The following ENTPD1 variants were observed in gnomAD, a reference collection of about 807,000 sequenced individuals.
The protein encoded by ENTPD1 is ATP diphosphohydrolase.
In ENTPD1, 33 loss-of-function variants were observed where a neutral mutation model predicts 57.0. That is an observed-to-expected ratio of 0.58 (90% confidence interval 0.44 to 0.77). ENTPD1 has a LOEUF of 0.77. ENTPD1 is among the 30% of genes least tolerant of loss of function. The pLI is 0.00. For synonymous variants in ENTPD1, 202 were observed against 218.8 expected, an observed-to-expected ratio of 0.92 and a Z score of 0.68; for missense variants, 501 against 603.4, an observed-to-expected ratio of 0.83 and a Z score of 1.78.
intron 1 of ENTPD1, among the ~76,000 whole-genome samples, chr10:95,727,124 T>C (rs1340407217): frequency 6.6e-6 from 1 of 152,172 alleles, no homozygotes; most frequent in Admixed American, 6.6e-5. Flanking sequence ...TGAGATTTGT[T>C]TGGACAAAAC....
chr10:95,831,048 G>C (rs1170886341), intron 2 of ENTPD1, among the ~76,000 whole-genome samples: 2 of 152,162 alleles, frequency 1.3e-5, no homozygotes, highest in Non-Finnish European at 2.9e-5. Context: ...GTGGGGTAAG[G>C]GGAGGGGATA....
chr10:95,804,143 T>C (rs2098262444), intron 1 of ENTPD1, among the ~76,000 whole-genome samples: 1 of 152,238 alleles, frequency 6.6e-6, no homozygotes, highest in South Asian at 2.1e-4. Context: ...GCGTGATGCC[T>C]CCAGCTTTGT....
chr10:95,827,517 G>A (rs966238453), intron 2 of ENTPD1, among the ~76,000 whole-genome samples: 2 of 151,980 alleles, frequency 1.3e-5, no homozygotes, highest in East Asian at 1.9e-4. Context: ...ACGGAGTTTC[G>A]CTCTGTAGCA....
At chr10:95,710,596 A>G (rs1387011044), upstream of ENTPD1, among the ~76,000 whole-genome samples, 1 of 152,246 alleles carries the variant, frequency 6.6e-6, no homozygotes, top group East Asian at 1.9e-4. Flanking sequence ...AATACATTGT[A>G]GAGGAAAGAA....
At chr10:95,792,538 G>A (rs889455691) in intron 1 of ENTPD1, among the ~76,000 whole-genome samples, 5 of 152,104 alleles carry the variant, frequency 3.3e-5, no homozygotes, top group Non-Finnish European at 5.9e-5. Flanking sequence ...GGTTAACATC[G>A]GGTTACTCTG....
intron 1 of ENTPD1, among the ~76,000 whole-genome samples, chr10:95,805,986 G>A (rs1228968179): frequency 2.6e-5 from 4 of 152,100 alleles, no homozygotes; most frequent in Non-Finnish European, 4.4e-5. Flanking sequence ...TGCTCTTCTC[G>A]AGGAATATCT....
intron 1 of ENTPD1, among the ~76,000 whole-genome samples, chr10:95,770,419 C>A (rs1435606848): frequency 6.6e-6 from 1 of 151,940 alleles, no homozygotes; most frequent in Non-Finnish European, 1.5e-5. Context: ...GAGAATTGAC[C>A]CTGGCATTTG....
intron 1 of ENTPD1, among the ~76,000 whole-genome samples, chr10:95,765,817 A>T (rs528133045): frequency 2.6e-5 from 4 of 152,286 alleles, no homozygotes; most frequent in Non-Finnish European, 5.9e-5. Context: ...ATCCATGAAC[A>T]TATGATGTCT....
At chr10:95,812,068 C>T (rs966145347) in intron 1 of ENTPD1, among the ~76,000 whole-genome samples, 1 of 152,192 alleles carries the variant, frequency 6.6e-6, no homozygotes, top group Non-Finnish European at 1.5e-5. Flanking sequence ...TCTGTTTTCC[C>T]ACATCTTTGT....
chr10:95,744,194 T>C (rs116678302), intron 1 of ENTPD1, among the ~76,000 whole-genome samples: 5,648 of 151,992 alleles, frequency 0.037, 130 homozygotes, highest in Non-Finnish European at 0.049. Flanking sequence ...GTGAGAAGCC[T>C]GACTCCTATT....
Position 95,860,456 on chromosome 10 carries a change from T to A in ENTPD1, c.1075-13T>A. 2 of 1,608,950 alleles carry A rather than the reference T, an allele frequency of 1.2e-6. No homozygotes were observed. Among genetic ancestry groups the A allele is most frequent in the Non-Finnish European group, 1.7e-6 (2 of 1,176,668 alleles). ...TGTGGAACACAGCCTAAAACTGCGA[T>A]TTTCTCTTGTAGGCATTTTCAGCTT... On this transcript the variant is annotated splice_polypyrimidine_tract_variant and intron_variant, in intron 7 of 9. Coordinates refer to ENST00000371205, the MANE Select transcript of ENTPD1 (RefSeq NM_001776.6).
chr10:95,814,628 T>A (rs529447241), intron 1 of ENTPD1, among the ~76,000 whole-genome samples: 1 of 152,106 alleles, frequency 6.6e-6, no homozygotes, highest in South Asian at 2.1e-4. Flanking sequence ...TCTCAAGGGG[T>A]CCACTCAGTA....
At chr10:95,845,878 A>C (rs935030584) in intron 6 of ENTPD1, 2 of 473,272 alleles carry the variant, frequency 4.2e-6, no homozygotes, top group Admixed American at 3.5e-5. Context: ...AATGAAAATT[A>C]TGTGGTAGAA....
At position 95,866,267 on chromosome 10, in the gene ENTPD1, TC is replaced by T; in HGVS notation, c.1420del (p.His474ThrfsTer21). 1 of 1,614,192 alleles carries T rather than the reference TC, an allele frequency of 6.2e-7. No individual in the cohort carries two copies. The highest frequency in any genetic ancestry group is 8.5e-7 in the Non-Finnish European group (1 of 1,180,022). ...PAEQPLSTPL[S>X]HSTYVFLMVL... ...TGAGCAACCATTGTCCACACCTCTCTCCCACTCCACCTATGTCTTCCTCATG... is the reference window on the plus strand; with the variant it reads ...TGAGCAACCATTGTCCACACCTCTCTCCACTCCACCTATGTCTTCCTCATG... On this transcript the variant is annotated frameshift_variant, in exon 10 of 10. Coordinates refer to ENST00000371205, the MANE Select transcript of ENTPD1 (RefSeq NM_001776.6). LOFTEE classifies it high-confidence loss of function.
At chr10:95,804,646 A>G (rs1431899862) in intron 1 of ENTPD1, among the ~76,000 whole-genome samples, 2 of 152,170 alleles carry the variant, frequency 1.3e-5, no homozygotes, top group Non-Finnish European at 2.9e-5. Context: ...GGACAATTTG[A>G]CTTTGTCTTT....
chr10:95,852,212 G>C (rs2140912924), intron 7 of ENTPD1, among the ~76,000 whole-genome samples: 1 of 152,254 alleles, frequency 6.6e-6, no homozygotes, highest in African/African-American at 2.4e-5. Flanking sequence ...GTATCTGTTG[G>C]CTGCAAAAAT....
chr10:95,752,336 A>T (rs945926203), upstream of ENTPD1, among the ~76,000 whole-genome samples: 5 of 152,150 alleles, frequency 3.3e-5, no homozygotes, highest in African/African-American at 1.2e-4. Context: ...TTAATTTTTT[A>T]AAAATTGTGA....
intron 8 of ENTPD1, among the ~76,000 whole-genome samples, chr10:95,860,985 C>G (rs762508961): frequency 2.0e-4 from 30 of 152,194 alleles, no homozygotes; most frequent in Middle Eastern, 3.2e-3. Flanking sequence ...TACATCTGTT[C>G]CTTTTTACAG....
At chr10:95,825,649 C>T (rs1455817046) in intron 2 of ENTPD1, among the ~76,000 whole-genome samples, 1 of 152,218 alleles carries the variant, frequency 6.6e-6, no homozygotes, top group Non-Finnish European at 1.5e-5. Flanking sequence ...ACGATCTCGG[C>T]TCACTGAAAG....
Sources: allele counts gnomAD v4.1 joint callset (sites outside exome capture counted in the v4.1 genomes callset), GRCh38; gene constraint gnomAD v4.1.1; transcripts MANE v1.5; gene names NCBI Gene and HGNC (gene_info 2026-07-23, HGNC 2026-07-21).